The following LRRC8C variants were observed in gnomAD, a reference collection of about 807,000 sequenced individuals.
LRRC8C encodes leucine rich repeat containing 8 VRAC subunit C.
In LRRC8C, 20 loss-of-function variants were observed where a neutral mutation model predicts 55.3. The observed-to-expected ratio is 0.36, with a 90% CI of 0.25 to 0.53. LRRC8C has a LOEUF of 0.53. Among genes scored for constraint, LRRC8C ranks in the 20% least tolerant of loss-of-function variants. The probability of loss-of-function intolerance (pLI) is 0.92; values close to 1 mark genes in which losing one functional copy is unlikely to be tolerated. For synonymous variants in LRRC8C, 376 were observed against 360.7 expected, an observed-to-expected ratio of 1.04 and a Z score of -0.48; for missense variants, 659 against 951.4, an observed-to-expected ratio of 0.69 and a Z score of 4.04.
intron 2 of LRRC8C, among the ~76,000 whole-genome samples, chr1:89,709,815 G>A (rs1458582834): frequency 1.3e-5 from 2 of 149,842 alleles, no homozygotes; most frequent in African/African-American, 4.9e-5. Context: ...GCAGTGGCGC[G>A]ATCTCGGCTC....
chr1:89,699,783 A>T (rs1658269422), intron 2 of LRRC8C, among the ~76,000 whole-genome samples: 2 of 152,224 alleles, frequency 1.3e-5, no homozygotes. Flanking sequence ...AGAGTTGTGA[A>T]TAAGACATTT....
Position 89,713,119 on chromosome 1 carries a change from A to C in LRRC8C, c.549A>C (p.Ser183=). 1 of 1,613,838 alleles carries C rather than the reference A, an allele frequency of 6.2e-7. No homozygotes were observed. Among genetic ancestry groups the C allele is most frequent in the African/African-American group, 1.3e-5 (1 of 74,702 alleles). Reference sequence around the variant, plus strand: ...TATCTGAAGTGTCTGGGGAGGACTCAGAAGAAAAGGACAACAGGAAGAACA... The same window carrying C: ...TATCTGAAGTGTCTGGGGAGGACTCCGAAGAAAAGGACAACAGGAAGAACA... ...RALSEVSGED[S]EEKDNRKNNM... Residue 183 remains serine, a synonymous_variant, in exon 3 of 3, where the codon TCA becomes TCC. Transcript: ENST00000370454. This position sits in a 1 kb window ranked among gnomAD's most constrained non-coding sequence, Gnocchi z 5.2.
intron 1 of LRRC8C, among the ~76,000 whole-genome samples, chr1:89,643,184 G>T (rs7519971): frequency 6.6e-6 from 1 of 151,726 alleles, no homozygotes; most frequent in Non-Finnish European, 1.5e-5. Flanking sequence ...CTCTACCTCT[G>T]AGACTCAAGC....
At chr1:89,643,608 G>T (rs1240502103) in intron 1 of LRRC8C, among the ~76,000 whole-genome samples, 1 of 152,172 alleles carries the variant, frequency 6.6e-6, no homozygotes, top group Non-Finnish European at 1.5e-5. Flanking sequence ...TTATGTAAAT[G>T]ATCATTAACA....
At position 89,718,765 on chromosome 1, in the gene LRRC8C, A is replaced by G. The variant is rs1011680252; in HGVS notation, c.*3783A>G. On this transcript the variant is annotated 3_prime_UTR_variant, in exon 3 of 3. Coordinates refer to ENST00000370454, the MANE Select transcript of LRRC8C (RefSeq NM_032270.5). ...TTATCCTATGAATTCTGAATGTGAT[A>G]ATGTGATTCAAACAGTCAAATTTTA... 6.6e-6 allele frequency: 1 copy of G among 152,208 alleles called. No individual in the cohort carries two copies. 9.4% of individuals were successfully genotyped at this position (152,208 alleles called of 1,614,324 possible). A position where few individuals can be genotyped will look rare whatever the true frequency, so the allele number is the denominator to read the frequency against.
chr1:89,645,388 CAAGAT>C (rs959380562), intron 1 of LRRC8C, among the ~76,000 whole-genome samples: 9 of 150,620 alleles, frequency 6.0e-5, no homozygotes, highest in African/African-American at 2.2e-4. Flanking sequence ...GGGAAAATGT[CAAGAT>C]AAGAATGTCC....
At chr1:89,682,555 A>T (rs952416382) in intron 1 of LRRC8C, among the ~76,000 whole-genome samples, 7 of 152,186 alleles carry the variant, frequency 4.6e-5, no homozygotes, top group African/African-American at 1.7e-4. Context: ...ACTGTTTTGT[A>T]ATGCTAAGAT....
chr1:89,671,032 C>G (rs2101237793), intron 1 of LRRC8C, among the ~76,000 whole-genome samples: 1 of 152,180 alleles, frequency 6.6e-6, no homozygotes, highest in South Asian at 2.1e-4. Context: ...AGATCTGTTA[C>G]TCACATATGC....
At chr1:89,681,723 C>T (rs1269199873) in intron 1 of LRRC8C, among the ~76,000 whole-genome samples, 1 of 152,122 alleles carries the variant, frequency 6.6e-6, no homozygotes, top group East Asian at 1.9e-4. Flanking sequence ...GATTTAATTA[C>T]CTCCCACCAG....
Position 89,714,656 on chromosome 1 carries a change from C to T in LRRC8C, c.2086C>T (p.Arg696Ter), listed in dbSNP as rs141148352. The T allele has an allele frequency of 3.7e-6, 6 of 1,614,012 alleles. No homozygotes were observed. Among genetic ancestry groups the T allele is most frequent in the Admixed American group, 1.7e-5 (1 of 60,006 alleles). Residue 696 changes from arginine (R) to a stop codon, truncating the protein, a stop_gained, in exon 3 of 3, where the codon CGA becomes TGA. Transcript: ENST00000370454. LOFTEE classifies it high-confidence loss of function. The surrounding 1 kb of genome is among the most constrained non-coding windows in gnomAD (Gnocchi z 4.6). ...RYLDLSYNDI[R>*]FIPPEIGVLQ... ...CTTGGACTTATCGTACAATGACATT[C>T]GATTTATCCCCCCTGAAATTGGAGT...
At chr1:89,673,756 A>C (rs1657481171) in intron 1 of LRRC8C, among the ~76,000 whole-genome samples, 1 of 152,244 alleles carries the variant, frequency 6.6e-6, no homozygotes, top group African/African-American at 2.4e-5. Context: ...TTCTGCCTTC[A>C]TGGACCTTAT....
chr1:89,706,395 T>C (rs1209749636), intron 2 of LRRC8C: 3 of 454,008 alleles, frequency 6.6e-6, no homozygotes, highest in Admixed American at 4.8e-5. Flanking sequence ...CAACTAGTTA[T>C]CACAGGTGGG....
intron 1 of LRRC8C, among the ~76,000 whole-genome samples, chr1:89,633,693 T>C (rs1656200124): frequency 6.6e-6 from 1 of 152,138 alleles, no homozygotes; most frequent in Admixed American, 6.5e-5. Context: ...TGTTCTTTCC[T>C]ACCTCGAAAA....
intron 2 of LRRC8C, among the ~76,000 whole-genome samples, chr1:89,698,995 A>AAG (rs920228357): frequency 6.6e-5 from 10 of 151,986 alleles, no homozygotes; most frequent in South Asian, 2.1e-4. Flanking sequence ...GAAATTAAAA[A>AAG]AGAGAGAGAG....
At chr1:89,640,467 C>A (rs1449074984) in intron 1 of LRRC8C, among the ~76,000 whole-genome samples, 1 of 152,166 alleles carries the variant, frequency 6.6e-6, no homozygotes, top group Non-Finnish European at 1.5e-5. Context: ...GCTCAAATAT[C>A]TTTTTAATAT....
intron 2 of LRRC8C, among the ~76,000 whole-genome samples, chr1:89,705,501 G>A (rs1257741204): frequency 2.6e-5 from 4 of 152,012 alleles, no homozygotes; most frequent in Non-Finnish European, 5.9e-5. Context: ...TGTTTTGGCC[G>A]GGTGCAGTGG....
intron 2 of LRRC8C, among the ~76,000 whole-genome samples, chr1:89,704,570 C>G (rs1447486629): frequency 6.6e-6 from 1 of 152,012 alleles, no homozygotes; most frequent in Non-Finnish European, 1.5e-5. Flanking sequence ...TGGTATACAC[C>G]AAACTTATCA....
At chr1:89,625,578 T>C in the LRRC8C span, among the ~76,000 whole-genome samples, 2 of 152,204 alleles carry the variant, frequency 1.3e-5, no homozygotes, top group East Asian at 3.9e-4. Context: ...TACCTCAGGA[T>C]GGGTGGTGGC....
the LRRC8C span, among the ~76,000 whole-genome samples, chr1:89,624,241 T>G: frequency 1.3e-5 from 2 of 152,250 alleles, no homozygotes; most frequent in Non-Finnish European, 2.9e-5. Context: ...GTCTGGCTTT[T>G]GCTCCAGAGA....
Sources: allele counts gnomAD v4.1 joint callset (sites outside exome capture counted in the v4.1 genomes callset), GRCh38; gene constraint gnomAD v4.1.1; non-coding constraint Gnocchi (gnomAD v3.1); transcripts MANE v1.5; gene names NCBI Gene and HGNC (gene_info 2026-07-23, HGNC 2026-07-21).